ACTR3C: variants seen among roughly 807,000 people sequenced by gnomAD.
ACTR3C encodes actin-related protein 3C.
A neutral mutation model predicts 26.3 loss-of-function variants in ACTR3C; 18 were observed. The observed-to-expected ratio is 0.68, with a 90% CI of 0.47 to 1.01. ACTR3C has a LOEUF of 1.01. ACTR3C is among the 50% of genes least tolerant of loss of function. The pLI, the probability that ACTR3C is intolerant of heterozygous loss-of-function variation, is 0.00. For synonymous variants in ACTR3C, 55 were observed against 94.5 expected, an observed-to-expected ratio of 0.58 and a Z score of 2.42; for missense variants, 184 against 250.7, an observed-to-expected ratio of 0.73 and a Z score of 1.80.
chr7:149,955,963 CT>C, the ACTR3C span, among the ~76,000 whole-genome samples: 1 of 152,192 alleles, frequency 6.6e-6, no homozygotes. Context: ...TTGGAGATTA[CT>C]TAGTGGGGTC....
chr7:149,966,209 CAGG>C, the ACTR3C span, among the ~76,000 whole-genome samples: 1 of 152,152 alleles, frequency 6.6e-6, no homozygotes, highest in Non-Finnish European at 1.5e-5. Context: ...GCTCTTGGGA[CAGG>C]AGCTCATTCT....
chr7:149,983,978 C>T, the ACTR3C span, among the ~76,000 whole-genome samples: 5 of 152,124 alleles, frequency 3.3e-5, no homozygotes, highest in Middle Eastern at 3.4e-3. Flanking sequence ...AAATGGGAGG[C>T]GTTCCATGGG....
chr7:149,928,207 T>TG, the ACTR3C span, among the ~76,000 whole-genome samples: 30 of 150,286 alleles, frequency 2.0e-4, no homozygotes, highest in African/African-American at 6.8e-4. Flanking sequence ...CTTTTCTTTT[T>TG]TTTTTTTTTG....
chr7:150,077,237 T>C, the ACTR3C span, among the ~76,000 whole-genome samples: 1 of 152,198 alleles, frequency 6.6e-6, no homozygotes, highest in Non-Finnish European at 1.5e-5. Flanking sequence ...CTGTAGGCTT[T>C]CGTGATGCTG....
the ACTR3C span, among the ~76,000 whole-genome samples, chr7:150,070,483 C>T: frequency 6.6e-6 from 1 of 152,188 alleles, no homozygotes; most frequent in Non-Finnish European, 1.5e-5. Context: ...CAGGGTCTTG[C>T]TCTGTCACTC....
At chr7:150,177,290 T>C in the ACTR3C span, among the ~76,000 whole-genome samples, 2 of 150,890 alleles carry the variant, frequency 1.3e-5, no homozygotes, top group South Asian at 4.1e-4. Flanking sequence ...CCGACTCGGA[T>C]AATATCCCTA....
intron 7 of ACTR3C, 148 bp downstream of exon 7, chr7:150,248,800 G>A: frequency 4.7e-6 from 2 of 423,176 alleles, no homozygotes; most frequent in East Asian, 7.0e-5. Flanking sequence ...GATGACTCAG[G>A]TGCTGGGATT....
chr7:150,041,319 G>GCTCC, the ACTR3C span: 1 of 150,930 alleles, frequency 6.6e-6, no homozygotes, highest in Non-Finnish European at 1.5e-5. Context: ...CTGCCCTTAA[G>GCTCC]CTCCGGTAGA....
the ACTR3C span, among the ~76,000 whole-genome samples, chr7:149,930,854 T>G: frequency 8.7e-4 from 133 of 152,132 alleles, 1 homozygote; most frequent in African/African-American, 3.0e-3. Flanking sequence ...TGATCTCGGT[T>G]CACTGCAACC....
chr7:150,276,081 C>G (rs1436106994), intron 6 of ACTR3C, among the ~76,000 whole-genome samples: 1 of 152,176 alleles, frequency 6.6e-6, no homozygotes, highest in Non-Finnish European at 1.5e-5. Context: ...TGTCTTTATG[C>G]TGGTAAAAGA....
the ACTR3C span, among the ~76,000 whole-genome samples, chr7:149,942,594 A>G: frequency 0.22 from 31,535 of 146,082 alleles, 5,554 homozygotes; most frequent in African/African-American, 0.49. Flanking sequence ...AAACACACAC[A>G]AAAGGTTAGC....
chr7:150,255,575 G>A (rs1833162368), intron 6 of ACTR3C, among the ~76,000 whole-genome samples: 1 of 152,264 alleles, frequency 6.6e-6, no homozygotes, highest in Middle Eastern at 3.4e-3. Flanking sequence ...GTTGCCCAGG[G>A]AGCCCAGTGC....
At chr7:150,181,277 A>G in the ACTR3C span, among the ~76,000 whole-genome samples, 3 of 151,062 alleles carry the variant, frequency 2.0e-5, no homozygotes, top group Non-Finnish European at 2.9e-5. Context: ...CAAATATTTA[A>G]ACACTTGGCT....
intron 1 of ACTR3C, among the ~76,000 whole-genome samples, chr7:150,313,823 G>A (rs112357719): frequency 0.022 from 3,293 of 152,306 alleles, 117 homozygotes; most frequent in African/African-American, 0.075. Context: ...GGCTCACTGA[G>A]CCTTCTTGGC....
chr7:150,259,650 A>T (rs1015674389), intron 6 of ACTR3C, among the ~76,000 whole-genome samples: 2 of 152,144 alleles, frequency 1.3e-5, no homozygotes, highest in African/African-American at 4.8e-5. Context: ...TTGACAAGGA[A>T]ATGAGTCTCC....
At chr7:149,899,060 T>C in the ACTR3C span, among the ~76,000 whole-genome samples, 41 of 151,668 alleles carry the variant, frequency 2.7e-4, no homozygotes, top group African/African-American at 9.9e-4. Flanking sequence ...AACCTCAACT[T>C]TGACCCCCAC....
chr7:150,018,093 C>T, the ACTR3C span, among the ~76,000 whole-genome samples: 9 of 150,362 alleles, frequency 6.0e-5, 1 homozygote, highest in Non-Finnish European at 1.5e-5. Context: ...GAAACGGAGT[C>T]GTGTGGAAAG....
chr7:150,040,023 A>G, the ACTR3C span, among the ~76,000 whole-genome samples: 4 of 134,040 alleles, frequency 3.0e-5, no homozygotes, highest in Admixed American at 7.3e-5. Context: ...CAGGCGGGGA[A>G]GAGGGGTTGG....
chr7:149,909,337 T>TA, the ACTR3C span, among the ~76,000 whole-genome samples: 2 of 144,502 alleles, frequency 1.4e-5, no homozygotes, highest in Non-Finnish European at 3.0e-5. Context: ...ATTAAGTTAC[T>TA]AAGCTAACAG....
Sources: allele counts gnomAD v4.1 joint callset (sites outside exome capture counted in the v4.1 genomes callset), GRCh38; gene constraint gnomAD v4.1.1; transcripts MANE v1.5; gene names NCBI Gene and HGNC (gene_info 2026-07-23, HGNC 2026-07-21).